The following TOX variants were observed in gnomAD, a reference collection of about 807,000 sequenced individuals.
TOX encodes thymocyte selection-associated high mobility group box protein TOX.
Under a neutral mutation model 53.7 loss-of-function variants are expected in TOX, and 11 were observed. That is an observed-to-expected ratio of 0.20 (90% confidence interval 0.13 to 0.34). TOX has a LOEUF of 0.34. Ranked by LOEUF, TOX falls within the 10% of genes least tolerant of loss-of-function variation. The pLI is 1.00. For synonymous variants in TOX, 225 were observed against 245.3 expected, an observed-to-expected ratio of 0.92 and a Z score of 0.77; for missense variants, 570 against 664.6, an observed-to-expected ratio of 0.86 and a Z score of 1.56.
chr8:58,974,412 A>G (rs983467844), intron 1 of TOX, among the ~76,000 whole-genome samples: 4 of 152,218 alleles, frequency 2.6e-5, no homozygotes, highest in Non-Finnish European at 5.9e-5. Context: ...TCACTTAGGA[A>G]TAAAGACAGC....
At chr8:58,963,188 C>T (rs1376966515) in intron 1 of TOX, among the ~76,000 whole-genome samples, 3 of 152,162 alleles carry the variant, frequency 2.0e-5, no homozygotes, top group Non-Finnish European at 2.9e-5. Context: ...ACTACACCAT[C>T]GGTTCTCCTG....
In TOX at chr8:58,965,562, C is replaced by G. The variant is rs556145926; in HGVS notation, c.103-5554G>C. On this transcript the variant is annotated intron_variant, in intron 1 of 8. Transcript: ENST00000361421. ...TGTAAATCAGTCATTGGCACTGGTA[C>G]AGAAAATGGGAACATTTTAGGGAAA... Among the ~76,000 whole-genome samples the G allele has an allele frequency of 4.6e-5, 7 of 151,950 alleles. No individual in the cohort carries two copies. The South Asian group carries it at 1.0e-3, about 23-fold the overall frequency.
intron 1 of TOX, among the ~76,000 whole-genome samples, chr8:59,011,304 C>T (rs931463560): frequency 7.9e-5 from 12 of 152,210 alleles, no homozygotes; most frequent in African/African-American, 2.9e-4. Flanking sequence ...ACTCTATCTC[C>T]TAAGCACAAT....
At position 59,108,691 on chromosome 8, in the gene TOX, C is replaced by A. The variant is rs535887857; in HGVS notation, c.102+10195G>T. Reference sequence around the variant, plus strand: ...ACACACACACACACACACACATACACACACAAGGTTATCAAAAGAGTAACA... The same window carrying A: ...ACACACACACACACACACACATACAAACACAAGGTTATCAAAAGAGTAACA... On this transcript the variant is annotated intron_variant, in intron 1 of 8. Coordinates refer to ENST00000361421, the MANE Select transcript of TOX (RefSeq NM_014729.3). Among the ~76,000 whole-genome samples, 12 of 151,754 alleles carry A rather than the reference C, an allele frequency of 7.9e-5. No homozygotes were observed. In the South Asian group the frequency reaches 2.5e-3, roughly 32 times the overall value.
chr8:59,080,022 G>A (rs180867170), intron 1 of TOX, among the ~76,000 whole-genome samples: 45 of 147,654 alleles, frequency 3.0e-4, no homozygotes, highest in Non-Finnish European at 5.3e-4. Flanking sequence ...TCCCTCTGTC[G>A]CCCAGGCTGG....
In TOX at chr8:58,822,513, T is replaced by C. The variant is rs1174791910; in HGVS notation, c.1005+4309A>G. Among the ~76,000 whole-genome samples the C allele has an allele frequency of 2.6e-5, 4 of 152,334 alleles. No homozygotes were observed. In the South Asian group the frequency reaches 8.3e-4, roughly 32 times the overall value. On this transcript the variant is annotated intron_variant, in intron 6 of 8. Coordinates refer to ENST00000361421, the MANE Select transcript of TOX (RefSeq NM_014729.3). The stretch of plus-strand genomic sequence containing the variant: ...AGGAGTGACCAGAGCCGGGCAGTTT[T>C]GTCCCTGGCTCCACACAACCAGCTG...
chr8:59,045,138 T>C (rs1803660766), intron 1 of TOX, among the ~76,000 whole-genome samples: 1 of 152,240 alleles, frequency 6.6e-6, no homozygotes. Flanking sequence ...AATTTCATTC[T>C]TTTTTTCAAC....
chr8:58,931,328 G>T (rs897196812), intron 3 of TOX, among the ~76,000 whole-genome samples: 1 of 147,750 alleles, frequency 6.8e-6, no homozygotes, highest in Non-Finnish European at 1.5e-5. Flanking sequence ...GATCATAAAT[G>T]TCAAAAAAAA....
intron 1 of TOX, among the ~76,000 whole-genome samples, chr8:59,096,257 CTAATAG>C (rs1286512733): frequency 6.6e-6 from 1 of 152,200 alleles, no homozygotes; most frequent in East Asian, 1.9e-4. Flanking sequence ...ATTAACACTC[CTAATAG>C]TATTAGTGGC....
chr8:58,837,738 G>T (rs750409222), intron 5 of TOX, among the ~76,000 whole-genome samples: 1 of 152,194 alleles, frequency 6.6e-6, no homozygotes, highest in Non-Finnish European at 1.5e-5. Context: ...GAAAAGAGGT[G>T]TGGACAGTTT....
At chr8:58,881,343 G>A (rs1041751179) in intron 3 of TOX, among the ~76,000 whole-genome samples, 5 of 152,102 alleles carry the variant, frequency 3.3e-5, no homozygotes, top group South Asian at 4.2e-4. Flanking sequence ...AAAGAATTTC[G>A]TGGATTTTTC....
At chr8:59,076,679 T>C (rs184260622) in intron 1 of TOX, among the ~76,000 whole-genome samples, 101 of 152,318 alleles carry the variant, frequency 6.6e-4, no homozygotes, top group African/African-American at 2.1e-3. Context: ...TTTGCAGTAG[T>C]TGTTGTTATA....
intron 5 of TOX, among the ~76,000 whole-genome samples, chr8:58,833,042 C>T (rs1385029113): frequency 6.6e-6 from 1 of 152,160 alleles, no homozygotes; most frequent in Non-Finnish European, 1.5e-5. Context: ...TACAAAAATA[C>T]ACTCTGGGTA....
intron 6 of TOX, among the ~76,000 whole-genome samples, chr8:58,817,920 G>T (rs1004427133): frequency 1.3e-5 from 2 of 151,780 alleles, no homozygotes; most frequent in African/African-American, 4.8e-5. Flanking sequence ...GTAAGTTTTG[G>T]CTAAAGAAAT....
At chr8:58,892,579 C>T (rs992831702) in intron 3 of TOX, among the ~76,000 whole-genome samples, 8 of 152,096 alleles carry the variant, frequency 5.3e-5, no homozygotes, top group African/African-American at 1.9e-4. Context: ...TGTCAGATGG[C>T]CACAAGAACA....
intron 1 of TOX, among the ~76,000 whole-genome samples, chr8:59,103,904 A>G (rs915008227): frequency 1.3e-5 from 2 of 152,232 alleles, no homozygotes; most frequent in African/African-American, 4.8e-5. Flanking sequence ...CTACACATAA[A>G]GCATTAATAT....
intron 4 of TOX, among the ~76,000 whole-genome samples, chr8:58,847,686 AG>A (rs1226139357): frequency 1.3e-5 from 2 of 152,102 alleles, no homozygotes; most frequent in African/African-American, 4.8e-5. Flanking sequence ...ATGCATGCAA[AG>A]AAACCCACAC....
chr8:58,832,505 A>T (rs1218149872), intron 5 of TOX, among the ~76,000 whole-genome samples: 2 of 152,202 alleles, frequency 1.3e-5, no homozygotes, highest in African/African-American at 2.4e-5. Flanking sequence ...TTATCAGAAG[A>T]TAAAGGGGAA....
intron 3 of TOX, among the ~76,000 whole-genome samples, chr8:58,906,713 A>AT (rs1258051997): frequency 5.3e-5 from 8 of 152,066 alleles, no homozygotes; most frequent in African/African-American, 9.7e-5. Context: ...TAAACGCTAC[A>AT]TTTTTTTTCT....
Sources: allele counts gnomAD v4.1 joint callset (sites outside exome capture counted in the v4.1 genomes callset), GRCh38; gene constraint gnomAD v4.1.1; transcripts MANE v1.5; gene names NCBI Gene and HGNC (gene_info 2026-07-23, HGNC 2026-07-21).